WARS2: variants seen among roughly 807,000 people sequenced by gnomAD.
WARS2 encodes tryptophan--tRNA ligase, mitochondrial.
In WARS2, 28 loss-of-function variants were observed where a neutral mutation model predicts 36.5. The observed-to-expected ratio is 0.77, with a 90% CI of 0.57 to 1.05. The LOEUF is 1.05. Among genes scored for constraint, WARS2 ranks in the 50% least tolerant of loss-of-function variants. WARS2 has a pLI of 0.00. For missense variants in WARS2, 435 were observed against 456.8 expected (o/e 0.95, Z 0.44); for synonymous variants, 174 against 178.4 (o/e 0.98, Z 0.20).
At chr1:119,085,254 C>A in intron 1 of WARS2, 1 of 893,470 alleles carries the variant, frequency 1.1e-6, no homozygotes, top group South Asian at 1.3e-5. Context: ...CTCCCTCTCT[C>A]GGTTCTCTGC....
intron 1 of WARS2, among the ~76,000 whole-genome samples, chr1:119,100,542 A>C (rs1653781031): frequency 6.6e-6 from 1 of 152,234 alleles, no homozygotes; most frequent in Admixed American, 6.5e-5. Context: ...AATCAATCTA[A>C]GTGTTCATCA....
chr1:119,105,637 A>G (rs780091338), intron 1 of WARS2, among the ~76,000 whole-genome samples: 5 of 152,292 alleles, frequency 3.3e-5, no homozygotes, highest in Middle Eastern at 6.8e-3. Context: ...TAGGCCGGGC[A>G]TAATTGGCTC....
rs587679378 is a variant in WARS2 at position 119,137,758 on chromosome 1, T to C, written c.90+2797A>G. On this transcript the variant is annotated intron_variant, in intron 1 of 5. Coordinates refer to ENST00000235521, the MANE Select transcript of WARS2 (RefSeq NM_015836.4). Reference sequence around the variant, plus strand: ...CACCTGGCAAAATAAACCGTTTTCATATAAATTGTAGACATCCCATAATGA... The same window carrying C: ...CACCTGGCAAAATAAACCGTTTTCACATAAATTGTAGACATCCCATAATGA... Among the ~76,000 whole-genome samples, 3 of 152,338 alleles carry C rather than the reference T, an allele frequency of 2.0e-5. No individual in the cohort carries two copies. The East Asian group carries it at 5.8e-4, about 29-fold the overall frequency.
intron 2 of WARS2, among the ~76,000 whole-genome samples, chr1:119,053,708 T>G (rs2101166144): frequency 6.6e-6 from 1 of 152,296 alleles, no homozygotes; most frequent in East Asian, 1.9e-4. Context: ...GAAAAATATT[T>G]GCAAATCATA....
intron 2 of WARS2, among the ~76,000 whole-genome samples, chr1:119,048,054 A>T (rs1649007464): frequency 6.6e-6 from 1 of 152,254 alleles, no homozygotes. Context: ...CAAAGGCTGT[A>T]AAAAGAATGG....
intron 2 of WARS2, among the ~76,000 whole-genome samples, chr1:119,052,812 G>T (rs1649475721): frequency 6.6e-6 from 1 of 152,172 alleles, no homozygotes; most frequent in Non-Finnish European, 1.5e-5. Flanking sequence ...CTATAGCTTG[G>T]CTATAATTCT....
chr1:119,116,763 G>C (rs914629088), intron 1 of WARS2, among the ~76,000 whole-genome samples: 1 of 152,164 alleles, frequency 6.6e-6, no homozygotes, highest in Non-Finnish European at 1.5e-5. Flanking sequence ...GCCATTCCTC[G>C]CGTTATCTCA....
intron 2 of WARS2, among the ~76,000 whole-genome samples, chr1:119,048,971 G>A (rs1167942889): frequency 2.6e-5 from 4 of 152,190 alleles, no homozygotes; most frequent in Non-Finnish European, 5.9e-5. Context: ...GCTGAGGCGG[G>A]GGAATCTCTT....
chr1:119,066,322 C>G (rs989939179), intron 2 of WARS2, among the ~76,000 whole-genome samples: 6 of 151,412 alleles, frequency 4.0e-5, no homozygotes, highest in East Asian at 1.9e-4. Flanking sequence ...ACTAAAAATA[C>G]AAAAAATTAG....
chr1:119,093,743 C>T (rs1163967746), intron 1 of WARS2, among the ~76,000 whole-genome samples: 1 of 152,084 alleles, frequency 6.6e-6, no homozygotes, highest in South Asian at 2.1e-4. Context: ...TTTAGGCCAC[C>T]CAGTTTGTGG....
At chr1:119,111,986 G>A (rs587651065) in intron 1 of WARS2, among the ~76,000 whole-genome samples, 4 of 151,708 alleles carry the variant, frequency 2.6e-5, no homozygotes, top group Admixed American at 6.6e-5. Flanking sequence ...GCAGTGGTGC[G>A]ATCTTGGCTC....
intron 2 of WARS2, among the ~76,000 whole-genome samples, chr1:119,068,846 C>CACACATAT (rs1293338787): frequency 2.5e-5 from 3 of 121,830 alleles, no homozygotes; most frequent in African/African-American, 3.8e-5. Context: ...CTCTCACACA[C>CACACATAT]ACACACATAC....
chr1:119,126,920 G>T, intron 1 of WARS2: 2 of 768,814 alleles, frequency 2.6e-6, no homozygotes, highest in Admixed American at 1.9e-5. Flanking sequence ...AACCAACACA[G>T]AACAGATGAA....
At chr1:119,040,193 C>T (rs1008079755) in intron 4 of WARS2, among the ~76,000 whole-genome samples, 10 of 152,160 alleles carry the variant, frequency 6.6e-5, no homozygotes, top group African/African-American at 2.2e-4. Flanking sequence ...GTGCTGTAGA[C>T]CCATAGTCTT....
At chr1:119,064,160 A>G (rs1650637081) in intron 2 of WARS2, 1 of 151,436 alleles carries the variant, frequency 6.6e-6, no homozygotes. Context: ...GAGTCAAAGG[A>G]GATCATTTTG....
chr1:119,119,572 T>A (rs1427749812), intron 1 of WARS2, among the ~76,000 whole-genome samples: 1 of 152,080 alleles, frequency 6.6e-6, no homozygotes, highest in Non-Finnish European at 1.5e-5. Flanking sequence ...TTAACAGATA[T>A]TTATAGAACA....
chr1:119,115,844 G>A (rs1654928535), intron 1 of WARS2, among the ~76,000 whole-genome samples: 1 of 152,076 alleles, frequency 6.6e-6, no homozygotes, highest in Non-Finnish European at 1.5e-5. Flanking sequence ...TAATATTCTG[G>A]AAAGCTTTTT....
rs76975829 is a variant in WARS2 at position 119,086,414 on chromosome 1, C to G, written c.91-9807G>C. On this transcript the variant is annotated intron_variant, in intron 1 of 5. Coordinates refer to ENST00000235521, the MANE Select transcript of WARS2 (RefSeq NM_015836.4). Reference sequence around the variant, plus strand: ...ACTAAACATGCGAGGATTAATTACACTAGTTTTAATACTTTTCTAACTGTG... The same window carrying G: ...ACTAAACATGCGAGGATTAATTACAGTAGTTTTAATACTTTTCTAACTGTG... Among the ~76,000 whole-genome samples the G allele has an allele frequency of 7.7e-3, 1,171 of 152,312 alleles. 13 individuals are homozygous for G. The highest frequency in any genetic ancestry group is 0.027 in the African/African-American group (1,113 of 41,568).
chr1:119,130,624 A>C (rs1312132861), intron 1 of WARS2, among the ~76,000 whole-genome samples: 2 of 152,226 alleles, frequency 1.3e-5, no homozygotes, highest in Admixed American at 6.5e-5. Context: ...TAAATAAATA[A>C]AAATGCACAC....
Sources: allele counts gnomAD v4.1 joint callset (sites outside exome capture counted in the v4.1 genomes callset), GRCh38; gene constraint gnomAD v4.1.1; transcripts MANE v1.5; gene names NCBI Gene and HGNC (gene_info 2026-07-23, HGNC 2026-07-21).